The following KRT4 variants were observed in gnomAD, a reference collection of about 807,000 sequenced individuals.
KRT4 encodes the protein keratin 4.
A neutral mutation model predicts 50.6 loss-of-function variants in KRT4; 47 were observed. That is an observed-to-expected ratio of 0.93 (90% CI 0.73 to 1.18). The LOEUF is 1.18. KRT4 is among the 50% of genes most tolerant of loss of function. The probability of loss-of-function intolerance (pLI) is 0.00; values close to 1 mark genes in which losing one functional copy is unlikely to be tolerated. For missense variants in KRT4, 651 were observed against 645.7 expected (o/e 1.01, Z -0.09); for synonymous variants, 254 against 251.2 (o/e 1.01, Z -0.10).
In KRT4 at chr12:52,808,682, C is replaced by A; in HGVS notation, c.999+4G>T. On this transcript the variant is annotated splice_donor_region_variant and intron_variant, in intron 5 of 8. Coordinates refer to ENST00000551956, the MANE Select transcript of KRT4 (RefSeq NM_002272.4). ...CCATCTCCTGAGAGATCCATACCAC[C>A]CACCTTGGTCTGGTACAGGGCTTCA... 2 of 1,613,968 alleles carry A rather than the reference C, an allele frequency of 1.2e-6. No individual in the cohort carries two copies. The highest frequency in any genetic ancestry group is 2.2e-5 in the East Asian group (1 of 44,882).
Position 52,813,652 on chromosome 12 carries a change from T to C in KRT4, c.407A>G (p.Glu136Gly). ...GAGGAGCTTGATCTGTTCGCGCTCTTCCGTCCGGACTTTCTGGATCTCAGG... is the reference window on the plus strand; with the variant it reads ...GAGGAGCTTGATCTGTTCGCGCTCTCCCGTCCGGACTTTCTGGATCTCAGG... ...IDPEIQKVRT[E>G]EREQIKLLNN... is the part of the protein sequence containing the mutation. Residue 136 changes from glutamate (E) to glycine (G), a missense_variant, in exon 1 of 9, where the codon GAA becomes GGA. Transcript: ENST00000551956. The C allele has an allele frequency of 6.2e-7, 1 of 1,614,150 alleles. No homozygotes were observed. Among genetic ancestry groups the C allele is most frequent in the Non-Finnish European group, 8.5e-7 (1 of 1,180,016 alleles).
chr12:52,809,390 T>C lies in KRT4; in HGVS notation c.827A>G (p.Tyr276Cys), dbSNP rs1334399996. ...GGAGGATGGAGCCCTCACCGCATCA[T>C]AGAGGACCTTCAGGAAGTTGATCTC... is the stretch of plus-strand genomic sequence containing the variant. ...NDEINFLKVL[Y>C]DAELSQMQTH... Residue 276 changes from tyrosine to cysteine, a missense_variant, in exon 4 of 9, where the codon TAT (tyrosine) becomes TGT (cysteine). By Grantham distance (194) the Tyr-to-Cys change is radical (BLOSUM62 -2). Transcript: ENST00000551956. 1.9e-6 allele frequency: 3 copies of C among 1,611,564 alleles called. No homozygotes were observed. Among genetic ancestry groups the C allele is most frequent in the South Asian group, 1.1e-5 (1 of 91,030 alleles).
intron 3 of KRT4, among the ~76,000 whole-genome samples, chr12:52,809,956 A>G (rs1244957593): frequency 6.6e-6 from 1 of 152,208 alleles, no homozygotes; most frequent in East Asian, 1.9e-4. Flanking sequence ...TTTTGCAGCA[A>G]TGTGGATGGA....
intron 1 of KRT4, among the ~76,000 whole-genome samples, chr12:52,812,663 A>G (rs1371616722): frequency 6.6e-6 from 1 of 151,028 alleles, no homozygotes; most frequent in Admixed American, 6.6e-5. Flanking sequence ...CCCAAAAGGT[A>G]AAATGAGATG....
intron 5 of KRT4, 39 bp from the exon 6 acceptor site, chr12:52,808,458 G>A: frequency 6.2e-7 from 1 of 1,612,062 alleles, no homozygotes; most frequent in Non-Finnish European, 8.5e-7. Context: ...GGTGTTAGGG[G>A]CATTTGGGTA....
rs1939847757 is a variant in KRT4, at chr12:52,808,518, T to C, written c.1000-99A>G. ...TGAGAATTGCCACAGGTGGCAAGAATAGCACCAAATGTCAAGTAGTTTCAA... is the reference window on the plus strand; with the variant it reads ...TGAGAATTGCCACAGGTGGCAAGAACAGCACCAAATGTCAAGTAGTTTCAA... On this transcript the variant is annotated intron_variant, in intron 5 of 8. Coordinates refer to ENST00000551956, the MANE Select transcript of KRT4 (RefSeq NM_002272.4). 1.9e-6 allele frequency: 3 copies of C among 1,561,980 alleles called. No individual in the cohort carries two copies. The Admixed American group carries it at 5.0e-5, about 26-fold the overall frequency.
chr12:52,811,905 T>A lies in KRT4; in HGVS notation c.535A>T (p.Thr179Ser), dbSNP rs1431242880. 1 of 1,613,854 alleles carries A rather than the reference T, an allele frequency of 6.2e-7. No homozygotes were observed. Among genetic ancestry groups the A allele is most frequent in the South Asian group, 1.1e-5 (1 of 91,040 alleles). Reference protein sequence around the residue: ...WNLLQQQTTTTSSKNLEPLFE... With the variant: ...WNLLQQQTTTSSSKNLEPLFE... The stretch of plus-strand genomic sequence containing the variant: ...AGGGGCTCAAGGTTTTTGCTGGAGG[T>A]GGTGGTCGTCTGCTGCTGGAGCAGG... Residue 179 changes from threonine (T) to serine (S), a missense_variant, in exon 2 of 9, where the codon ACC becomes TCC. Physicochemically the swap from Thr to Ser is moderately conservative, Grantham distance 58. Coordinates refer to ENST00000551956, the MANE Select transcript of KRT4 (RefSeq NM_002272.4).
At position 52,813,735 on chromosome 12, in the gene KRT4, TC is replaced by T. The variant is rs1939953760; in HGVS notation, c.323del (p.Gly108GlufsTer51). 1.9e-6 allele frequency: 2 copies of T among 1,069,502 alleles called. No individual in the cohort carries two copies. Among genetic ancestry groups the T allele is most frequent in the Non-Finnish European group, 2.3e-6 (2 of 882,174 alleles). 66.3% of individuals were successfully genotyped at this position (1,069,502 alleles called of 1,614,324 possible). On this transcript the variant is annotated frameshift_variant, in exon 1 of 9. Transcript: ENST00000551956. LOFTEE classifies it high-confidence loss of function. Reference protein sequence around the residue: ...GPGFPVCPAGGIQEVTINQSL... With the variant: ...GPGFPVCPAGXIQEVTINQSL... ...TCTGGTTGATGGTGACCTCCTGAATTCCCCCAGCGGGGCAGACGGGGAAGCC... is the reference window on the plus strand; with the variant it reads ...TCTGGTTGATGGTGACCTCCTGAATTCCCCAGCGGGGCAGACGGGGAAGCC...
Position 52,808,355 on chromosome 12 carries a change from A to G in KRT4, c.1064T>C (p.Ile355Thr), listed in dbSNP as rs774589289. The change falls in exon 6 of 9, where the codon ATT (isoleucine) becomes ACT (threonine). Residue 355 changes from isoleucine (I) to threonine (T), a missense_variant. Physicochemically the swap from Ile to Thr is moderately conservative, Grantham distance 89 (BLOSUM62 -1). Transcript: ENST00000551956. ...CTGGATCATCCTGTTGAGCTCTGCA[A>G]TTTCACTCTTGGTGTTCTTCAGGTT... ...GDNLKNTKSEIAELNRMIQRL... is the reference protein window; with the variant it reads ...GDNLKNTKSETAELNRMIQRL... 5.6e-6 allele frequency: 9 copies of G among 1,613,934 alleles called. No homozygotes were observed. The highest frequency in any genetic ancestry group is 4.4e-5 in the South Asian group (4 of 91,058).
Position 52,808,570 on chromosome 12 carries a change from G to A in KRT4, c.999+116C>T, listed in dbSNP as rs1939849435. On this transcript the variant is annotated intron_variant, in intron 5 of 8. Transcript: ENST00000551956. ...TCAGACCAGGACCAACGATGCCTGG[G>A]AGAGTCTGTTCATATCTGACTTCTA... 27 of 1,477,204 alleles carry A rather than the reference G, an allele frequency of 1.8e-5. No homozygotes were observed. The South Asian group carries it at 2.8e-4, about 16-fold the overall frequency. The allele number at this position is 1,477,204 out of a possible 1,614,324, so 91.5% of individuals were successfully genotyped here.
Position 52,807,858 on chromosome 12 carries a change from T to C in KRT4, c.1132A>G (p.Thr378Ala). The change falls in exon 7 of 9, where the codon ACT becomes GCT. Residue 378 changes from threonine to alanine, a missense_variant. Transcript: ENST00000551956. Reference protein sequence around the residue: ...EIENIKKQCQTLQVSVADAEQ... With the variant: ...EIENIKKQCQALQVSVADAEQ... ...GCATCAGCCACGGATACCTGAAGAG[T>C]CTGGCACTATTGACAAAGGCATTAG... 6.2e-7 allele frequency: 1 copy of C among 1,613,558 alleles called. No homozygotes were observed.
chr12:52,808,559 A>G (rs1592309589), intron 5 of KRT4, 127 bp downstream of exon 5: 1 of 1,480,684 alleles, frequency 6.8e-7, no homozygotes, highest in East Asian at 2.3e-5. Flanking sequence ...ACCAGGACCA[A>G]CGATGCCTGG....
chr12:52,811,774 G>A lies in KRT4; in HGVS notation c.666C>T (p.Asp222=). Residue 222 remains aspartate (D), a synonymous_variant, in exon 2 of 9, where the codon GAC becomes GAT. Coordinates refer to ENST00000551956, the MANE Select transcript of KRT4 (RefSeq NM_002272.4). ...TCCTCCCCATGTACTTAGTCTTGAA[G>A]TCCTCCACGCTGTCCTGCATGGTCT... The part of the protein sequence containing the change: ...ELKTMQDSVE[D]FKTKYEEEIN... 6.2e-7 allele frequency: 1 copy of A among 1,613,070 alleles called. No individual in the cohort carries two copies. The highest frequency in any genetic ancestry group is 8.5e-7 in the Non-Finnish European group (1 of 1,179,696).
rs970608859 is a variant in KRT4 at position 52,811,906 on chromosome 12, G to A, written c.534C>T (p.Thr178=). 6.2e-7 allele frequency: 1 copy of A among 1,614,042 alleles called. No individual in the cohort carries two copies. Among genetic ancestry groups the A allele is most frequent in the Non-Finnish European group, 8.5e-7 (1 of 1,180,022 alleles). Residue 178 remains threonine, a synonymous_variant, in exon 2 of 9, where the codon ACC becomes ACT. Transcript: ENST00000551956. ...GGGGCTCAAGGTTTTTGCTGGAGGT[G>A]GTGGTCGTCTGCTGCTGGAGCAGGT... ...KWNLLQQQTT[T]TSSKNLEPLF...
rs201008729 is a variant in KRT4, at chr12:52,813,699, G to A, written c.360C>T (p.Thr120=). Residue 120 remains threonine, a synonymous_variant, in exon 1 of 9, where the codon ACC becomes ACT. Coordinates refer to ENST00000551956, the MANE Select transcript of KRT4 (RefSeq NM_002272.4). ...QEVTINQSLL[T]PLHVEIDPEI... The stretch of plus-strand genomic sequence containing the variant: ...CAGGGTCAATCTCCACGTGGAGGGG[G>A]GTGAGCAAGCTCTGGTTGATGGTGA... 2.2e-5 allele frequency: 31 copies of A among 1,412,296 alleles called. No individual in the cohort carries two copies. Among genetic ancestry groups the A allele is most frequent in the Non-Finnish European group, 2.7e-5 (29 of 1,073,394 alleles). 87.5% of individuals were successfully genotyped at this position (1,412,296 alleles called of 1,614,324 possible).
At position 52,813,858 on chromosome 12, in the gene KRT4, C is replaced by A. The variant is rs750752501; in HGVS notation, c.201G>T (p.Gly67=). The A allele has an allele frequency of 1.5e-6, 1 of 662,148 alleles. No individual in the cohort carries two copies. The highest frequency in any genetic ancestry group is 2.3e-5 in the South Asian group (1 of 42,612). The allele number at this position is 662,148 out of a possible 1,614,324, so 41.0% of individuals were successfully genotyped here. The change falls in exon 1 of 9, where the codon GGG becomes GGT. Residue 67 remains glycine (G), a synonymous_variant. Transcript: ENST00000551956. ...GNKSISMSVA[G]SRQGACFGGA... is the part of the protein sequence containing the mutation. Reference sequence around the variant, plus strand: ...CCCCAAAGCAGGCACCTTGTCGTGACCCAGCCACACTCATGGAGATGCTTT... The same window carrying A: ...CCCCAAAGCAGGCACCTTGTCGTGAACCAGCCACACTCATGGAGATGCTTT...
At chr12:52,811,577 A>G in intron 2 of KRT4, 186 bp downstream of exon 2, 1 of 612,004 alleles carries the variant, frequency 1.6e-6, no homozygotes, top group Non-Finnish European at 2.9e-6. Context: ...TTCCTTTCGG[A>G]AAAATCTGTG....
At chr12:52,810,677 A>AC (rs1219030042) in intron 3 of KRT4, 79 bp downstream of exon 3, 3 of 1,186,418 alleles carry the variant, frequency 2.5e-6, no homozygotes, top group Non-Finnish European at 3.8e-6. Context: ...GATGGACCAA[A>AC]CCCATGACTT....
At chr12:52,812,470 C>T (rs1939929966) in intron 1 of KRT4, among the ~76,000 whole-genome samples, 1 of 152,158 alleles carries the variant, frequency 6.6e-6, no homozygotes, top group Admixed American at 6.5e-5. Flanking sequence ...ATATTTAAAA[C>T]AAGGGCCCTG....
Sources: gnomAD v4.1 joint callset for allele counts (sites outside exome capture counted in the v4.1 genomes callset) on GRCh38, gnomAD v4.1.1 for gene constraint, MANE v1.5 for transcripts, NCBI Gene and HGNC (gene_info 2026-07-23, HGNC 2026-07-21) for gene names.